IL17RE: variants seen among roughly 807,000 people sequenced by gnomAD.
IL17RE encodes the protein interleukin 17 receptor E.
Under a neutral mutation model 70.7 loss-of-function variants are expected in IL17RE, and 47 were observed. The observed-to-expected ratio is 0.67, with a 90% CI of 0.53 to 0.85. The LOEUF is 0.85. IL17RE is among the 40% of genes least tolerant of loss of function. IL17RE has a pLI of 0.00. For synonymous variants in IL17RE, 372 were observed against 381.2 expected (o/e 0.98, Z 0.28); for missense variants, 850 against 893.9 (o/e 0.95, Z 0.63).
At chr3:9,906,342 T>A in intron 3 of IL17RE, 22 bp from the exon 4 acceptor site, 2 of 1,516,810 alleles carry the variant, frequency 1.3e-6, no homozygotes, top group East Asian at 4.5e-5. Flanking sequence ...GGCTAGATAG[T>A]AAGTACGTCT....
chr3:9,902,967 C>G lies in IL17RE; in HGVS notation c.35C>G (p.Pro12Arg). ...TCCAGACTGGCAGCCCTGCTCCTGC[C>G]TCTCCTCCTCATAGTCATCGACCTC... Reference protein sequence around the residue: ...GSSRLAALLLPLLLIVIDLSD... With the variant: ...GSSRLAALLLRLLLIVIDLSD... The change falls in exon 1 of 16, where the codon CCT (proline) becomes CGT (arginine). Residue 12 changes from proline to arginine, a missense_variant. Coordinates refer to ENST00000383814, the MANE Select transcript of IL17RE (RefSeq NM_153480.2). The G allele has an allele frequency of 6.2e-7, 1 of 1,614,198 alleles. No individual in the cohort carries two copies. The highest frequency in any genetic ancestry group is 8.5e-7 in the Non-Finnish European group (1 of 1,179,986).
At chr3:9,903,559 T>A in intron 2 of IL17RE, 147 bp downstream of exon 2, 1 of 851,508 alleles carries the variant, frequency 1.2e-6, no homozygotes, top group Non-Finnish European at 1.9e-6. Flanking sequence ...AAGCCTGGGT[T>A]CACATTGCAG....
intron 12 of IL17RE, among the ~76,000 whole-genome samples, chr3:9,912,517 C>G (rs1367865603): frequency 6.6e-6 from 1 of 152,192 alleles, no homozygotes; most frequent in Non-Finnish European, 1.5e-5. Context: ...ACTAGGAGCA[C>G]TTTATCAGAC....
intron 3 of IL17RE, among the ~76,000 whole-genome samples, chr3:9,905,921 A>G (rs1403841199): frequency 6.6e-6 from 1 of 152,198 alleles, no homozygotes; most frequent in Non-Finnish European, 1.5e-5. Context: ...TATAATTTTC[A>G]AGATTAAAGA....
At chr3:9,910,762 G>A in intron 8 of IL17RE, 103 bp from the exon 9 acceptor site, 1 of 955,150 alleles carries the variant, frequency 1.0e-6, no homozygotes, top group South Asian at 1.6e-5. Flanking sequence ...AATAGTGCTG[G>A]TTACTTTTAC....
intron 12 of IL17RE, among the ~76,000 whole-genome samples, chr3:9,912,869 T>TA (rs1371792571): frequency 2.6e-5 from 4 of 151,778 alleles, no homozygotes; most frequent in African/African-American, 7.3e-5. Context: ...ACTCTGACTC[T>TA]AAAAAAAATG....
At position 9,915,923 on chromosome 3, in the gene IL17RE, C is replaced by G. The variant is rs2083050877; in HGVS notation, c.*116C>G. 1 of 1,330,774 alleles carries G rather than the reference C, an allele frequency of 7.5e-7. No homozygotes were observed. The highest frequency in any genetic ancestry group is 1.9e-5 in the South Asian group (1 of 51,940). 82.4% of individuals were successfully genotyped at this position (1,330,774 alleles called of 1,614,324 possible). ...TTGGGGTGCCTCGAGGACGACTGGCCGAAAAGCCGCATTCCCTGCCTCACA... is the reference window on the plus strand; with the variant it reads ...TTGGGGTGCCTCGAGGACGACTGGCGGAAAAGCCGCATTCCCTGCCTCACA... On this transcript the variant is annotated 3_prime_UTR_variant, in exon 16 of 16. Coordinates refer to ENST00000383814, the MANE Select transcript of IL17RE (RefSeq NM_153480.2). The surrounding 1 kb of genome is among the most constrained non-coding windows in gnomAD (Gnocchi z 4.9).
At position 9,907,082 on chromosome 3, in the gene IL17RE, C is replaced by A. The variant is rs772626784; in HGVS notation, c.648C>A (p.Ser216Arg). ...GGGCACTGGAGTGTGAAGAGCTGAGCAGTCCCTATGATGTCCAGGTATGGT... is the reference window on the plus strand; with the variant it reads ...GGGCACTGGAGTGTGAAGAGCTGAGAAGTCCCTATGATGTCCAGGTATGGT... ...HQWALECEEL[S>R]SPYDVQKIVS... Residue 216 changes from serine to arginine, a missense_variant, in exon 6 of 16, where the codon AGC becomes AGA. By Grantham distance (110) the Ser-to-Arg change is moderately radical. Transcript: ENST00000383814. The A allele has an allele frequency of 6.2e-7, 1 of 1,614,164 alleles. No individual in the cohort carries two copies. Among genetic ancestry groups the A allele is most frequent in the Admixed American group, 1.7e-5 (1 of 60,018 alleles).
intron 7 of IL17RE, 69 bp downstream of exon 7, chr3:9,908,376 C>A: frequency 7.6e-7 from 1 of 1,307,424 alleles, no homozygotes; most frequent in South Asian, 1.2e-5. Flanking sequence ...CGCAGTTGGT[C>A]AAGTATATCT....
Position 9,909,295 on chromosome 3 carries a change from T to C in IL17RE, c.802+12T>C. 6.2e-7 allele frequency: 1 copy of C among 1,610,998 alleles called. No homozygotes were observed. Among genetic ancestry groups the C allele is most frequent in the Non-Finnish European group, 8.5e-7 (1 of 1,177,398 alleles). On this transcript the variant is annotated intron_variant, in intron 8 of 15. Coordinates refer to ENST00000383814, the MANE Select transcript of IL17RE (RefSeq NM_153480.2). ...CTGGCCAGAAGCCTGTGAGTGCTGT[T>C]GACACGCACCCTTGTGCACACACAT...
Position 9,911,191 on chromosome 3 carries a change from G to T in IL17RE, c.1026+17G>T. 6.2e-7 allele frequency: 1 copy of T among 1,614,224 alleles called. No homozygotes were observed. On this transcript the variant is annotated intron_variant, in intron 10 of 15. Transcript: ENST00000383814. ...TGCTTCAAGGTACAACCATGGGTAA[G>T]AAAAGATGTGGTGTAGTGGGTATTG... is the stretch of plus-strand genomic sequence containing the variant.
In IL17RE at chr3:9,915,662, C is replaced by G. The variant is rs2083034218; in HGVS notation, c.1859C>G (p.Pro620Arg). ...CGCTACCGCCTGCTGCGCGACCTGC[C>G]GCGTCTGCTGCGGGCGCTGGACGCG... The part of the protein sequence containing the change: ...LPRYRLLRDL[P>R]RLLRALDARP... Residue 620 changes from proline to arginine, a missense_variant, in exon 16 of 16, where the codon CCG becomes CGG. Pro to Arg is a moderately radical substitution (Grantham distance 103). Transcript: ENST00000383814. The surrounding 1 kb of genome is among the most constrained non-coding windows in gnomAD (Gnocchi z 4.9). 2 of 1,402,686 alleles carry G rather than the reference C, an allele frequency of 1.4e-6. No individual in the cohort carries two copies. The highest frequency in any genetic ancestry group is 6.1e-5 in the East Asian group (2 of 32,732). The allele number at this position is 1,402,686 out of a possible 1,614,324, so 86.9% of individuals were successfully genotyped here.
chr3:9,903,951 CT>C, intron 2 of IL17RE, 80 bp from the exon 3 acceptor site: 1 of 1,545,480 alleles, frequency 6.5e-7, no homozygotes, highest in South Asian at 1.1e-5. Context: ...TGTGACAGAG[CT>C]TGGCCTCAAA....
rs1170370476 is a variant in IL17RE at position 9,915,438 on chromosome 3, G to T, written c.1635G>T (p.Arg545=). The stretch of plus-strand genomic sequence containing the variant: ...CGCTGCCGTGGCTCTGGGCGGCGCG[G>T]ACGCGCGTAGCGCGGGAGCAGGGCA... ...VGPLPWLWAA[R]TRVAREQGTV... The change falls in exon 16 of 16, where the codon CGG becomes CGT. Residue 545 remains arginine (R), a synonymous_variant. Transcript: ENST00000383814. The surrounding 1 kb of genome is among the most constrained non-coding windows in gnomAD (Gnocchi z 4.9). 7.4e-7 allele frequency: 1 copy of T among 1,354,182 alleles called. No individual in the cohort carries two copies. Among genetic ancestry groups the T allele is most frequent in the East Asian group, 3.1e-5 (1 of 32,740 alleles). 83.9% of individuals were successfully genotyped at this position (1,354,182 alleles called of 1,614,324 possible).
At chr3:9,906,629 C>T (rs1360253158) in intron 4 of IL17RE, 77 bp from the exon 5 acceptor site, 1 of 1,572,902 alleles carries the variant, frequency 6.4e-7, no homozygotes, top group East Asian at 2.2e-5. Context: ...CCTGTAGTAC[C>T]TCAGGTTCCA....
In IL17RE at chr3:9,906,858, G is replaced by A. The variant is rs370067030; in HGVS notation, c.519G>A (p.Arg173=). Residue 173 remains arginine (R), a synonymous_variant, in exon 5 of 16, where the codon AGG becomes AGA. Transcript: ENST00000383814. The stretch of plus-strand genomic sequence containing the variant: ...GTCTTCCCAGATTGGACTCACAAAG[G>A]CATGGAGGTGGGCACTGGGTACAAC... ...WESLPRLDSQ[R]HGGPEFSFDL... The A allele has an allele frequency of 2.4e-5, 38 of 1,614,186 alleles. No homozygotes were observed. In the South Asian group the frequency reaches 2.6e-4, roughly 11 times the overall value.
chr3:9,915,517 C>A lies in IL17RE; in HGVS notation c.1714C>A (p.Pro572Thr), dbSNP rs965362084. 12 of 1,319,852 alleles carry A rather than the reference C, an allele frequency of 9.1e-6. No individual in the cohort carries two copies. The highest frequency in any genetic ancestry group is 2.9e-4 in the Middle Eastern group (1 of 3,476). 81.8% of individuals were successfully genotyped at this position (1,319,852 alleles called of 1,614,324 possible). A position where few individuals can be genotyped will look rare whatever the true frequency, so the allele number is the denominator to read the frequency against. The change falls in exon 16 of 16, where the codon CCC becomes ACC. Residue 572 changes from proline to threonine, a missense_variant. By Grantham distance (38) the Pro-to-Thr change is conservative. Coordinates refer to ENST00000383814, the MANE Select transcript of IL17RE (RefSeq NM_153480.2). The surrounding 1 kb of genome is among the most constrained non-coding windows in gnomAD (Gnocchi z 4.9). ...CCTTCGCCCGGTCAGCGGCCCCGACCCCCGCGCCGCGCCCCTGCTCGCCCT... is the reference window on the plus strand; with the variant it reads ...CCTTCGCCCGGTCAGCGGCCCCGACACCCGCGCCGCGCCCCTGCTCGCCCT... The part of the protein sequence containing the change: ...ADLRPVSGPD[P>T]RAAPLLALLH...
chr3:9,911,356 A>G, intron 11 of IL17RE, 56 bp downstream of exon 11: 4 of 1,613,392 alleles, frequency 2.5e-6, no homozygotes, highest in Non-Finnish European at 3.4e-6. Flanking sequence ...TCCTCACCCA[A>G]CTGTAACCAA....
chr3:9,908,317 G>T lies in IL17RE; in HGVS notation c.735+10G>T, dbSNP rs926685216. The T allele has an allele frequency of 6.2e-7, 1 of 1,613,232 alleles. No homozygotes were observed. Among genetic ancestry groups the T allele is most frequent in the African/African-American group, 1.3e-5 (1 of 75,020 alleles). On this transcript the variant is annotated intron_variant, in intron 7 of 15. Coordinates refer to ENST00000383814, the MANE Select transcript of IL17RE (RefSeq NM_153480.2). The stretch of plus-strand genomic sequence containing the variant: ...CTGTCTGTGCATAGAGGTGAGCAAA[G>T]GAAAAGGTGTGGGCTGTCCATGGCT...
Sources: allele counts gnomAD v4.1 joint callset (sites outside exome capture counted in the v4.1 genomes callset), GRCh38; gene constraint gnomAD v4.1.1; non-coding constraint Gnocchi (gnomAD v3.1); transcripts MANE v1.5; gene names NCBI Gene and HGNC (gene_info 2026-07-23, HGNC 2026-07-21).